SATB2: variants seen among roughly 807,000 people sequenced by gnomAD.
SATB2 encodes DNA-binding protein SATB2.
SATB2 carries 1 observed loss-of-function variant against 73.4 expected under a neutral mutation model. The observed-to-expected ratio is 0.01, with a 90% CI of 0.00 to 0.06. The LOEUF is 0.06. Among genes scored for constraint, SATB2 ranks in the 10% least tolerant of loss-of-function variants. The pLI, the probability that SATB2 is intolerant of heterozygous loss-of-function variation, is 1.00. For missense variants in SATB2, 459 were observed against 945.8 expected (o/e 0.49, Z 6.75); for synonymous variants, 397 against 367.0 (o/e 1.08, Z -0.93).
In SATB2 at chr2:199,269,678, ATT is replaced by A. The variant is rs1692094308; in HGVS notation, c.*2531_*2532del. On this transcript the variant is annotated 3_prime_UTR_variant, in exon 11 of 11. Coordinates refer to ENST00000417098, the MANE Select transcript of SATB2 (RefSeq NM_001172509.2). ...ATTGTTGATACCGCAATAAAACACA[ATT>A]TGTTTTTTTCATTTCACAAAAAAAA... is the stretch of plus-strand genomic sequence containing the variant. The A allele has an allele frequency of 8.1e-6, 1 of 124,116 alleles. No individual in the cohort carries two copies. 7.7% of individuals were successfully genotyped at this position (124,116 alleles called of 1,614,324 possible). A position where few individuals can be genotyped will look rare whatever the true frequency, so the allele number is the denominator to read the frequency against.
intron 10 of SATB2, among the ~76,000 whole-genome samples, chr2:199,290,035 C>A (rs1574475650): frequency 6.6e-6 from 1 of 152,208 alleles, no homozygotes; most frequent in Non-Finnish European, 1.5e-5. Flanking sequence ...ACAAGAAGGC[C>A]CCGTAACCTC....
intron 3 of SATB2, among the ~76,000 whole-genome samples, chr2:199,427,050 G>C (rs112658660): frequency 0.018 from 2,770 of 152,064 alleles, 86 homozygotes; most frequent in African/African-American, 0.062. Flanking sequence ...GCTAATTTTT[G>C]TATTTTTAGT....
chr2:199,412,439 G>A (rs1690848818), intron 3 of SATB2, among the ~76,000 whole-genome samples: 1 of 152,182 alleles, frequency 6.6e-6, no homozygotes, highest in South Asian at 2.1e-4. Context: ...GGAGCAAGGA[G>A]AGAGGCTGCC....
rs563030000 is a variant in SATB2 at position 199,325,786 on chromosome 2, G to A, written c.1387-1828C>T. Among the ~76,000 whole-genome samples, 8 of 152,182 alleles carry A rather than the reference G, an allele frequency of 5.3e-5. No homozygotes were observed. The East Asian group carries it at 1.5e-3, about 29-fold the overall frequency. Reference sequence around the variant, plus strand: ...ACCTCAGTTCCCTCATCTGTAAAATGGGCATAATACCATAAAATGGTGACA... The same window carrying A: ...ACCTCAGTTCCCTCATCTGTAAAATAGGCATAATACCATAAAATGGTGACA... On this transcript the variant is annotated intron_variant, in intron 8 of 10. Coordinates refer to ENST00000417098, the MANE Select transcript of SATB2 (RefSeq NM_001172509.2).
intron 4 of SATB2, among the ~76,000 whole-genome samples, chr2:199,380,696 T>C (rs546608811): frequency 3.9e-5 from 6 of 152,256 alleles, no homozygotes; most frequent in Non-Finnish European, 7.4e-5. Flanking sequence ...GTCATCCCAC[T>C]CATCCAAGAA....
At chr2:199,281,183 G>A (rs1279200735) in intron 10 of SATB2, among the ~76,000 whole-genome samples, 1 of 151,428 alleles carries the variant, frequency 6.6e-6, no homozygotes, top group Non-Finnish European at 1.5e-5. Flanking sequence ...GCAGTGAGCT[G>A]AGATCACACC....
At chr2:199,405,349 G>A (rs1690599297) in intron 3 of SATB2, among the ~76,000 whole-genome samples, 1 of 152,118 alleles carries the variant, frequency 6.6e-6, no homozygotes, top group Non-Finnish European at 1.5e-5. Context: ...CTCAAAACTT[G>A]GGGACATGAG....
At chr2:199,315,120 C>T (rs7596078) in intron 9 of SATB2, among the ~76,000 whole-genome samples, 95,517 of 151,822 alleles carry the variant, frequency 0.63, 32,942 homozygotes, top group Non-Finnish European at 0.77. Context: ...AACCACACTA[C>T]ATCAATCATT....
intron 2 of SATB2, among the ~76,000 whole-genome samples, chr2:199,436,432 A>C (rs564041957): frequency 1.3e-5 from 2 of 149,258 alleles, no homozygotes; most frequent in East Asian, 3.9e-4. Context: ...TTTAAAAAAA[A>C]ACAAAACAAA....
upstream of SATB2, among the ~76,000 whole-genome samples, chr2:199,460,921 AGTTT>A (rs764346621): frequency 5.3e-5 from 8 of 152,378 alleles, no homozygotes; most frequent in Non-Finnish European, 1.0e-4. This position sits in a 1 kb window ranked among gnomAD's most constrained non-coding sequence, Gnocchi z 4.0. Flanking sequence ...CATTGTGGTT[AGTTT>A]GTTTTCAGAT....
chr2:199,322,898 GATGA>G (rs1559160870), intron 9 of SATB2, among the ~76,000 whole-genome samples: 7 of 152,108 alleles, frequency 4.6e-5, no homozygotes, highest in African/African-American at 1.7e-4. Context: ...CATATGTAGG[GATGA>G]AAACATTTGT....
At chr2:199,320,674 A>G (rs1171237344) in intron 9 of SATB2, among the ~76,000 whole-genome samples, 4 of 151,614 alleles carry the variant, frequency 2.6e-5, no homozygotes, top group Admixed American at 2.6e-4. Context: ...CACCCTTTCA[A>G]CTCCTTTTCT....
intron 6 of SATB2, among the ~76,000 whole-genome samples, chr2:199,351,543 A>G (rs1447921350): frequency 6.6e-6 from 1 of 152,156 alleles, no homozygotes; most frequent in Non-Finnish European, 1.5e-5. Flanking sequence ...ACCTTTTTCA[A>G]TTATTGTATT....
chr2:199,302,558 G>C (rs919902330), intron 10 of SATB2, among the ~76,000 whole-genome samples: 2 of 152,118 alleles, frequency 1.3e-5, no homozygotes, highest in African/African-American at 4.8e-5. Context: ...TATTACAAAT[G>C]CAAGTGTTCA....
intron 6 of SATB2, among the ~76,000 whole-genome samples, chr2:199,361,089 T>C (rs973115858): frequency 4.6e-5 from 7 of 152,136 alleles, no homozygotes; most frequent in Middle Eastern, 3.2e-3. Flanking sequence ...TTTGGTACCA[T>C]TTCAATTGTC....
At chr2:199,335,003 C>A (rs149694266) in intron 7 of SATB2, among the ~76,000 whole-genome samples, 118 of 152,152 alleles carry the variant, frequency 7.8e-4, no homozygotes, top group African/African-American at 2.6e-3. Context: ...TGCTGAAATT[C>A]ATTTGTGTAA....
chr2:199,459,226 A>G (rs1274473723), upstream of SATB2, among the ~76,000 whole-genome samples: 1 of 151,934 alleles, frequency 6.6e-6, no homozygotes, highest in Non-Finnish European at 1.5e-5. The surrounding 1 kb of genome is among the most constrained non-coding windows in gnomAD (Gnocchi z 4.2). Flanking sequence ...CTGTGCCCTG[A>G]GGACCCGGCC....
chr2:199,300,175 GAGGGAGGGAGGC>G (rs1186957871), intron 10 of SATB2, among the ~76,000 whole-genome samples: 7 of 151,650 alleles, frequency 4.6e-5, no homozygotes, highest in Non-Finnish European at 8.8e-5. Context: ...GAGAGGGAAG[GAGGGAGGGAGGC>G]AGGGAGGGAG....
At chr2:199,452,525 C>T (rs1047542034) in intron 2 of SATB2, among the ~76,000 whole-genome samples, 2 of 152,070 alleles carry the variant, frequency 1.3e-5, no homozygotes, top group Non-Finnish European at 2.9e-5. Flanking sequence ...CTTAATAATC[C>T]CTTCTTTTCC....
Sources: allele counts gnomAD v4.1 joint callset (sites outside exome capture counted in the v4.1 genomes callset), GRCh38; gene constraint gnomAD v4.1.1; non-coding constraint Gnocchi (gnomAD v3.1); transcripts MANE v1.5; gene names NCBI Gene and HGNC (gene_info 2026-07-23, HGNC 2026-07-21).